Variants in MYO3B observed in about 807,000 individuals in gnomAD.
MYO3B encodes the protein myosin-IIIb.
Under a neutral mutation model 174.6 loss-of-function variants are expected in MYO3B, and 156 were observed. That is an observed-to-expected ratio of 0.89 (90% CI 0.78 to 1.02). MYO3B has a LOEUF of 1.02. MYO3B is among the 50% of genes least tolerant of loss of function. The probability of loss-of-function intolerance (pLI) is 0.00; values close to 1 mark genes in which losing one functional copy is unlikely to be tolerated. For synonymous variants in MYO3B, 563 were observed against 569.1 expected (o/e 0.99, Z 0.15); for missense variants, 1,632 against 1,639.4 (o/e 1.00, Z 0.08).
intron 7 of MYO3B, among the ~76,000 whole-genome samples, chr2:170,324,388 T>C (rs1317936757): frequency 6.6e-6 from 1 of 152,226 alleles, no homozygotes; most frequent in Non-Finnish European, 1.5e-5. Flanking sequence ...TGAGTCTTAA[T>C]GAGGAAATTT....
intron 23 of MYO3B, among the ~76,000 whole-genome samples, chr2:170,446,050 T>C (rs1378248900): frequency 6.6e-6 from 1 of 152,168 alleles, no homozygotes; most frequent in Non-Finnish European, 1.5e-5. Flanking sequence ...AAAGGACACT[T>C]GTTTATGAGA....
At chr2:170,484,726 T>C (rs1685916522) in intron 25 of MYO3B, among the ~76,000 whole-genome samples, 1 of 152,176 alleles carries the variant, frequency 6.6e-6, no homozygotes, top group Admixed American at 6.5e-5. Flanking sequence ...ATATAATGAA[T>C]ATATGGCTTT....
At chr2:170,204,524 G>A (rs1221566965) in intron 3 of MYO3B, among the ~76,000 whole-genome samples, 2 of 152,220 alleles carry the variant, frequency 1.3e-5, no homozygotes, top group African/African-American at 4.8e-5. Flanking sequence ...TGCTTGAAAT[G>A]ATGACTGTCT....
intron 7 of MYO3B, among the ~76,000 whole-genome samples, chr2:170,263,917 G>A (rs1001414392): frequency 3.3e-5 from 5 of 152,164 alleles, no homozygotes; most frequent in African/African-American, 1.2e-4. Flanking sequence ...CCATATCTCA[G>A]GCTATCACAT....
intron 7 of MYO3B, 95 bp from the exon 8 acceptor site, chr2:170,335,290 A>G: frequency 1.1e-6 from 1 of 907,792 alleles, no homozygotes; most frequent in East Asian, 2.6e-5. Context: ...AGATTTTATT[A>G]GAGCTATTTA....
Position 170,654,045 on chromosome 2 carries a change from CTAAG to C in MYO3B, c.*926_*929del, listed in dbSNP as rs1699157338. ...ATGGAGAATACATGGAGAAACTTAA[CTAAG>C]TTACACAAGCATATCTGACAGGAAT... On this transcript the variant is annotated 3_prime_UTR_variant, in exon 35 of 35. Transcript: ENST00000408978. 1 of 151,950 alleles carries C rather than the reference CTAAG, an allele frequency of 6.6e-6. No homozygotes were observed. The highest frequency in any genetic ancestry group is 6.6e-5 in the Admixed American group (1 of 15,264). The allele number at this position is 151,950 out of a possible 1,614,324, so 9.4% of individuals were successfully genotyped here. A position where few individuals can be genotyped will look rare whatever the true frequency, so the allele number is the denominator to read the frequency against.
At chr2:170,571,525 TGTG>T (rs1692439292) in intron 32 of MYO3B, among the ~76,000 whole-genome samples, 1 of 152,230 alleles carries the variant, frequency 6.6e-6, no homozygotes, top group African/African-American at 2.4e-5. Context: ...TTCTGAATGT[TGTG>T]GAGAACCACT....
intron 32 of MYO3B, among the ~76,000 whole-genome samples, chr2:170,579,561 T>G (rs1305498257): frequency 6.6e-6 from 1 of 152,226 alleles, no homozygotes; most frequent in Middle Eastern, 3.2e-3. Context: ...ACTAAATGTG[T>G]AGGCAGAAGC....
chr2:170,200,075 T>C lies in MYO3B; in HGVS notation c.187-75T>C, dbSNP rs182903729. 37 of 1,426,484 alleles carry C rather than the reference T, an allele frequency of 2.6e-5. No individual in the cohort carries two copies. The Admixed American group carries it at 5.7e-4, about 22-fold the overall frequency. 88.4% of individuals were successfully genotyped at this position (1,426,484 alleles called of 1,614,324 possible). A position where few individuals can be genotyped will look rare whatever the true frequency, so the allele number is the denominator to read the frequency against. ...TAGTACATATGTTTTACTAAGTACT[T>C]GAGCATGATGTCATATCTGTACCCT... On this transcript the variant is annotated intron_variant, in intron 2 of 34. Transcript: ENST00000408978.
chr2:170,614,850 C>A (rs1042757464), intron 32 of MYO3B, among the ~76,000 whole-genome samples: 3 of 152,204 alleles, frequency 2.0e-5, no homozygotes, highest in African/African-American at 7.2e-5. Flanking sequence ...AGCCCTCCAC[C>A]TGTTGCTCTC....
chr2:170,200,614 T>C (rs763547209), intron 3 of MYO3B, among the ~76,000 whole-genome samples: 50 of 152,232 alleles, frequency 3.3e-4, no homozygotes, highest in Non-Finnish European at 6.2e-4. Context: ...TTTTCAAAAA[T>C]TGTTAACCCA....
chr2:170,492,765 CTT>C (rs1686573762), intron 25 of MYO3B, among the ~76,000 whole-genome samples: 1 of 152,116 alleles, frequency 6.6e-6, no homozygotes, highest in African/African-American at 2.4e-5. Context: ...ACCTGATAGA[CTT>C]TGTTTCTGGC....
chr2:170,400,132 G>A, intron 16 of MYO3B, 56 bp from the exon 17 acceptor site: 1 of 1,608,734 alleles, frequency 6.2e-7, no homozygotes. Flanking sequence ...AGGTCTAATG[G>A]TTCATTAGTT....
intron 22 of MYO3B, among the ~76,000 whole-genome samples, chr2:170,433,682 C>A (rs112823075): frequency 0.025 from 3,777 of 152,300 alleles, 90 homozygotes; most frequent in Non-Finnish European, 0.035. Context: ...CTTTTTCGGG[C>A]CTTCCCAGCC....
intron 23 of MYO3B, among the ~76,000 whole-genome samples, chr2:170,457,135 G>A (rs1483301834): frequency 6.6e-6 from 1 of 152,226 alleles, no homozygotes; most frequent in Admixed American, 6.5e-5. Flanking sequence ...AGGACTGGAA[G>A]TCACTCTGGG....
chr2:170,356,549 A>C (rs1574842378), intron 8 of MYO3B, among the ~76,000 whole-genome samples: 2 of 151,122 alleles, frequency 1.3e-5, no homozygotes, highest in Non-Finnish European at 2.9e-5. Flanking sequence ...TTTAGTAGAG[A>C]TGGGGTTTCA....
chr2:170,247,344 C>T (rs940857206), intron 7 of MYO3B, among the ~76,000 whole-genome samples: 4 of 152,170 alleles, frequency 2.6e-5, no homozygotes, highest in African/African-American at 4.8e-5. Context: ...GGTCAAGCAC[C>T]TGTGGAATAT....
At chr2:170,318,506 G>A (rs886801507) in intron 7 of MYO3B, among the ~76,000 whole-genome samples, 5 of 152,154 alleles carry the variant, frequency 3.3e-5, no homozygotes, top group African/African-American at 1.2e-4. Context: ...GCTAGGACTG[G>A]GAAGAACTGG....
At chr2:170,303,794 G>A (rs1379025799) in intron 7 of MYO3B, among the ~76,000 whole-genome samples, 1 of 152,008 alleles carries the variant, frequency 6.6e-6, no homozygotes, top group African/African-American at 2.4e-5. Context: ...ATGCATACAT[G>A]TTTTTCTTAC....
Sources: allele counts gnomAD v4.1 joint callset (sites outside exome capture counted in the v4.1 genomes callset), GRCh38; gene constraint gnomAD v4.1.1; transcripts MANE v1.5; gene names NCBI Gene and HGNC (gene_info 2026-07-23, HGNC 2026-07-21).